The following EIF4G3 variants were observed in gnomAD, a reference collection of about 807,000 sequenced individuals.
The protein encoded by EIF4G3 is eukaryotic translation initiation factor 4 gamma 3, also known as eIF-4-gamma 3.
EIF4G3 carries 34 observed loss-of-function variants against 186.4 expected under a neutral mutation model. That is an observed-to-expected ratio of 0.18 (90% CI 0.14 to 0.24). The LOEUF (loss-of-function observed/expected upper bound fraction) is 0.24. EIF4G3 is among the 10% of genes least tolerant of loss of function. The probability of loss-of-function intolerance (pLI) is 1.00; values close to 1 mark genes in which losing one functional copy is unlikely to be tolerated. For missense variants in EIF4G3, 1,536 were observed against 1,948.5 expected (o/e 0.79, Z 3.99); for synonymous variants, 673 against 679.5 (o/e 0.99, Z 0.15).
intron 35 of EIF4G3, among the ~76,000 whole-genome samples, chr1:20,811,551 C>T (rs2059247775): frequency 6.6e-6 from 1 of 152,182 alleles, no homozygotes; most frequent in Non-Finnish European, 1.5e-5. Flanking sequence ...ATAATAAAAA[C>T]TATGGAGGGG....
intron 2 of EIF4G3, among the ~76,000 whole-genome samples, chr1:21,165,690 G>A (rs1166041953): frequency 3.3e-5 from 5 of 152,126 alleles, no homozygotes; most frequent in African/African-American, 1.2e-4. Context: ...GGAAAATGGG[G>A]AGTCATGGGG....
chr1:21,113,504 G>C (rs1350585257), intron 2 of EIF4G3, among the ~76,000 whole-genome samples: 1 of 151,946 alleles, frequency 6.6e-6, no homozygotes, highest in African/African-American at 2.4e-5. Context: ...AAAATTCAAT[G>C]AGTGATAGTT....
chr1:20,963,263 G>T (rs1192242263), intron 12 of EIF4G3, among the ~76,000 whole-genome samples: 1 of 151,526 alleles, frequency 6.6e-6, no homozygotes, highest in Non-Finnish European at 1.5e-5. Flanking sequence ...ATAATTTTAG[G>T]CAATATGTCA....
At chr1:20,836,126 C>T (rs2066686014) in intron 30 of EIF4G3, among the ~76,000 whole-genome samples, 1 of 152,168 alleles carries the variant, frequency 6.6e-6, no homozygotes, top group Non-Finnish European at 1.5e-5. Flanking sequence ...CAGCTATAGG[C>T]ACCCACCACC....
chr1:21,021,555 CT>C (rs939395025), intron 4 of EIF4G3, among the ~76,000 whole-genome samples: 5 of 151,068 alleles, frequency 3.3e-5, no homozygotes, highest in African/African-American at 9.7e-5. Flanking sequence ...TTCTTTCTTT[CT>C]TTTTTTTTCT....
intron 12 of EIF4G3, among the ~76,000 whole-genome samples, chr1:20,965,987 T>TGG (rs1199497456): frequency 6.6e-6 from 1 of 152,198 alleles, no homozygotes; most frequent in Non-Finnish European, 1.5e-5. Flanking sequence ...GTCAAAGTTT[T>TGG]AAACCTCTTC....
chr1:21,054,799 T>C (rs2094489611), intron 3 of EIF4G3, among the ~76,000 whole-genome samples: 1 of 152,186 alleles, frequency 6.6e-6, no homozygotes, highest in Non-Finnish European at 1.5e-5. Context: ...ATCTTCAGGA[T>C]CAGCTACCTG....
Position 21,041,632 on chromosome 1 carries a change from G to T in EIF4G3, c.-67+9234C>A, listed in dbSNP as rs745546342. The stretch of plus-strand genomic sequence containing the variant: ...TAATATAGTGTAGTACTTGAAACTG[G>T]AGAAACACTGGCAGTGAAGAGAAAT... On this transcript the variant is annotated intron_variant, in intron 4 of 36. Transcript: ENST00000602326. 2.6e-5 allele frequency among the ~76,000 whole-genome samples: 4 copies of T among 152,316 alleles called. No individual in the cohort carries two copies. In the South Asian group the frequency reaches 6.2e-4, roughly 24 times the overall value.
chr1:21,141,935 CAAAAA>C (rs113622962), intron 2 of EIF4G3, among the ~76,000 whole-genome samples: 3 of 133,886 alleles, frequency 2.2e-5, no homozygotes, highest in African/African-American at 8.3e-5. Context: ...ACCCTGTCTC[CAAAAA>C]AAAAAACAAA....
chr1:20,906,659 GA>G (rs1487221225), intron 14 of EIF4G3, among the ~76,000 whole-genome samples: 2 of 150,940 alleles, frequency 1.3e-5, no homozygotes, highest in Admixed American at 6.6e-5. Flanking sequence ...AACATACTTG[GA>G]AAAAAAACAG....
intron 3 of EIF4G3, among the ~76,000 whole-genome samples, chr1:21,064,360 T>C (rs995208624): frequency 2.0e-5 from 3 of 152,200 alleles, no homozygotes; most frequent in Non-Finnish European, 4.4e-5. Context: ...ATGACAGTAC[T>C]TGCAGACAAG....
intron 2 of EIF4G3, among the ~76,000 whole-genome samples, chr1:21,091,859 C>T (rs796800929): frequency 6.6e-6 from 1 of 152,196 alleles, no homozygotes; most frequent in East Asian, 1.9e-4. Context: ...TGAGACTTTG[C>T]TGAAGTTGCT....
At chr1:20,823,908 T>C (rs1235494476) in intron 33 of EIF4G3, among the ~76,000 whole-genome samples, 2 of 152,204 alleles carry the variant, frequency 1.3e-5, no homozygotes, top group African/African-American at 4.8e-5. Context: ...TAATTTGGAT[T>C]TGTAGAAAAT....
At chr1:21,154,916 C>T (rs2097616274) in intron 2 of EIF4G3, among the ~76,000 whole-genome samples, 1 of 152,094 alleles carries the variant, frequency 6.6e-6, no homozygotes, top group South Asian at 2.1e-4. Flanking sequence ...TACTACAAAC[C>T]TGTGACTAAC....
At chr1:20,837,280 A>C (rs1194292576) in intron 30 of EIF4G3, among the ~76,000 whole-genome samples, 1 of 151,962 alleles carries the variant, frequency 6.6e-6, no homozygotes, top group African/African-American at 2.4e-5. Flanking sequence ...ATCTCAGCTC[A>C]CTGCAACCTC....
In EIF4G3 at chr1:20,911,415, T is replaced by C. The variant is rs903993930; in HGVS notation, c.1664-6444A>G. Among the ~76,000 whole-genome samples, 4 of 151,432 alleles carry C rather than the reference T, an allele frequency of 2.6e-5. No individual in the cohort carries two copies. In the East Asian group the frequency reaches 7.8e-4, roughly 30 times the overall value. On this transcript the variant is annotated intron_variant, in intron 14 of 36. Transcript: ENST00000602326. ...AGACCTCTACAAAAAATTAAAAAAT[T>C]AGCCAGGCACGGGGTACAAGCTTGT... is the stretch of plus-strand genomic sequence containing the variant.
In EIF4G3 at chr1:21,055,876, T is replaced by TA. The variant is rs2094540046; in HGVS notation, c.-195-4883dup. Among the ~76,000 whole-genome samples the TA allele has an allele frequency of 5.3e-5, 8 of 152,258 alleles. No homozygotes were observed. The South Asian group carries it at 1.7e-3, about 32-fold the overall frequency. ...TACATCTGCAGAGTTGTAAAGACTG[T>TA]AAGCTATGTTTCTTACAGAACTGTA... On this transcript the variant is annotated intron_variant, in intron 3 of 36. Coordinates refer to ENST00000602326, the MANE Select transcript of EIF4G3 (RefSeq NM_001391906.1).
chr1:21,113,915 T>C lies in EIF4G3; in HGVS notation c.-271-24702A>G, dbSNP rs143765041. ...CCTGTATTCCCAGCTACTTGGGAGG[T>C]TGAAGTGGCAAGAATACCTGAGCCC... On this transcript the variant is annotated intron_variant, in intron 2 of 36. Transcript: ENST00000602326. Among the ~76,000 whole-genome samples, 977 of 152,098 alleles carry C rather than the reference T, an allele frequency of 6.4e-3. 3 individuals are homozygous for C. The highest frequency in any genetic ancestry group is 0.02 in the African/African-American group (846 of 41,494).
chr1:20,983,463 T>C (rs1454409916), intron 7 of EIF4G3, among the ~76,000 whole-genome samples: 2 of 152,246 alleles, frequency 1.3e-5, no homozygotes, highest in African/African-American at 4.8e-5. Flanking sequence ...AACCTCCCAT[T>C]ACTGGACTGC....
Sources: gnomAD v4.1 joint callset for allele counts (sites outside exome capture counted in the v4.1 genomes callset) on GRCh38, gnomAD v4.1.1 for gene constraint, MANE v1.5 for transcripts, NCBI Gene and HGNC (gene_info 2026-07-23, HGNC 2026-07-21) for gene names.